The following ERG variants were observed in gnomAD, a reference collection of about 807,000 sequenced individuals.
ERG encodes transcriptional regulator ERG.
A neutral mutation model predicts 55.3 loss-of-function variants in ERG; 9 were observed. That is an observed-to-expected ratio of 0.16 (90% CI 0.10 to 0.28). The LOEUF is 0.28. Among genes scored for constraint, ERG ranks in the 10% least tolerant of loss-of-function variants. The pLI, the probability that ERG is intolerant of heterozygous loss-of-function variation, is 1.00. For missense variants in ERG, 434 were observed against 631.6 expected (o/e 0.69, Z 3.35); for synonymous variants, 223 against 237.3 (o/e 0.94, Z 0.55).
intron 1 of ERG, among the ~76,000 whole-genome samples, chr21:38,631,202 G>GA (rs1341507183): frequency 6.6e-6 from 1 of 152,102 alleles, no homozygotes; most frequent in Non-Finnish European, 1.5e-5. Flanking sequence ...TTGCCCTTGA[G>GA]AAAAAAGATT....
intron 1 of ERG, among the ~76,000 whole-genome samples, chr21:38,597,966 C>T (rs1367443295): frequency 3.3e-5 from 5 of 152,126 alleles, no homozygotes; most frequent in Non-Finnish European, 7.4e-5. Context: ...TTAATAAGCA[C>T]AAAACAATCC....
intron 2 of ERG, among the ~76,000 whole-genome samples, chr21:38,423,925 G>C (rs1172335749): frequency 6.6e-6 from 1 of 152,132 alleles, no homozygotes; most frequent in Non-Finnish European, 1.5e-5. Context: ...GCAGTGAGCT[G>C]AGATCATGCC....
intron 2 of ERG, among the ~76,000 whole-genome samples, chr21:38,547,253 T>C (rs747910904): frequency 6.6e-6 from 1 of 152,228 alleles, no homozygotes; most frequent in Non-Finnish European, 1.5e-5. Flanking sequence ...TAGCTTCCCA[T>C]GTTGCAGCTA....
chr21:38,515,788 G>T (rs1268115018), intron 2 of ERG, among the ~76,000 whole-genome samples: 5 of 151,906 alleles, frequency 3.3e-5, no homozygotes, highest in Non-Finnish European at 7.4e-5. Flanking sequence ...AATGCACCAT[G>T]GTCAAGTGGG....
chr21:38,550,244 C>A (rs1475708621), intron 2 of ERG, among the ~76,000 whole-genome samples: 1 of 152,186 alleles, frequency 6.6e-6, no homozygotes, highest in African/African-American at 2.4e-5. Flanking sequence ...GAAGCCCTCA[C>A]ACCCAGAAGG....
rs545144201 is a variant in ERG at position 38,392,476 on chromosome 21, A to G, written c.746-32T>C. On this transcript the variant is annotated intron_variant, in intron 6 of 9. Transcript: ENST00000288319. The stretch of plus-strand genomic sequence containing the variant: ...AGACAAATAAATTGACTAAAAGATC[A>G]ATCATGTAATTTTTATAAGAGATGC... 1.2e-5 allele frequency: 17 copies of G among 1,378,010 alleles called. No homozygotes were observed. The African/African-American group carries it at 2.5e-4, about 21-fold the overall frequency. The allele number at this position is 1,378,010 out of a possible 1,614,324, so 85.4% of individuals were successfully genotyped here. A position where few individuals can be genotyped will look rare whatever the true frequency, so the allele number is the denominator to read the frequency against.
intron 2 of ERG, among the ~76,000 whole-genome samples, chr21:38,536,193 C>A (rs992987587): frequency 6.6e-6 from 1 of 152,128 alleles, no homozygotes; most frequent in African/African-American, 2.4e-5. Context: ...CAGGTAGACA[C>A]TGAGGTAATC....
chr21:38,410,454 G>A (rs915365649), intron 3 of ERG, among the ~76,000 whole-genome samples: 2 of 152,174 alleles, frequency 1.3e-5, no homozygotes, highest in Non-Finnish European at 2.9e-5. Context: ...AAGTTACATG[G>A]TTATTATGAA....
chr21:38,414,631 A>G (rs570958937), intron 3 of ERG, among the ~76,000 whole-genome samples: 7 of 152,204 alleles, frequency 4.6e-5, no homozygotes, highest in Non-Finnish European at 8.8e-5. Flanking sequence ...GAAAAACCTG[A>G]GAAACAGCAA....
chr21:38,386,605 A>C (rs1254529987), intron 9 of ERG, among the ~76,000 whole-genome samples: 1 of 152,240 alleles, frequency 6.6e-6, no homozygotes, highest in Non-Finnish European at 1.5e-5. Context: ...GCATTTTAGA[A>C]TATAGAATAG....
chr21:38,468,247 G>A (rs999473993), intron 1 of ERG, among the ~76,000 whole-genome samples: 1 of 152,160 alleles, frequency 6.6e-6, no homozygotes, highest in Non-Finnish European at 1.5e-5. Context: ...GCCACAGCCT[G>A]TCTCACTCCT....
rs188533859 is a variant in ERG, at chr21:38,629,198, C to T, written c.-150+32460G>A. 5.7e-3 allele frequency among the ~76,000 whole-genome samples: 861 copies of T among 152,280 alleles called. 6 individuals carry two copies. Among genetic ancestry groups the T allele is most frequent in the African/African-American group, 0.019 (783 of 41,562 alleles). ...TGGATGAGAGGCCAGGAGACATAAG[C>T]TCCTCCATCCCTGGTTCTTTCTCCA... On this transcript the variant is annotated intron_variant, in intron 1 of 10. Coordinates refer to the ERG transcript ENST00000398910.
intron 2 of ERG, among the ~76,000 whole-genome samples, chr21:38,531,361 G>A (rs779153296): frequency 2.6e-5 from 4 of 152,144 alleles, no homozygotes; most frequent in Non-Finnish European, 5.9e-5. Context: ...GTTTTGTGAG[G>A]ACTTTTCTTT....
intron 2 of ERG, among the ~76,000 whole-genome samples, chr21:38,511,349 A>G (rs2059510006): frequency 6.6e-6 from 1 of 152,226 alleles, no homozygotes; most frequent in Non-Finnish European, 1.5e-5. Context: ...TAGAGCAGGC[A>G]CAAAGTGGAA....
chr21:38,620,176 C>T (rs1006385470), intron 1 of ERG, among the ~76,000 whole-genome samples: 9 of 152,208 alleles, frequency 5.9e-5, no homozygotes, highest in African/African-American at 2.2e-4. Flanking sequence ...AAGCTAGTGC[C>T]TTCAGCAAGT....
chr21:38,525,543 TCA>T (rs2059624016), intron 2 of ERG, among the ~76,000 whole-genome samples: 1 of 152,112 alleles, frequency 6.6e-6, no homozygotes, highest in Non-Finnish European at 1.5e-5. Flanking sequence ...TTCCACTCTC[TCA>T]GTTACCGAGC....
At position 38,381,445 on chromosome 21, in the gene ERG, A is replaced by G; in HGVS notation, c.*1958T>C. 1 of 1,063,030 alleles carries G rather than the reference A, an allele frequency of 9.4e-7. No homozygotes were observed. The highest frequency in any genetic ancestry group is 1.1e-6 in the Non-Finnish European group (1 of 877,826). The allele number at this position is 1,063,030 out of a possible 1,614,324, so 65.8% of individuals were successfully genotyped here. On this transcript the variant is annotated 3_prime_UTR_variant, in exon 10 of 10. Coordinates refer to ENST00000288319, the MANE Select transcript of ERG (RefSeq NM_182918.4). ...AGGGATAGCCAGCAACATCAGGCTC[A>G]GGGCTAGTGAATCCCAAGCCACAGT...
chr21:38,477,287 A>G (rs1232058722), intron 1 of ERG, among the ~76,000 whole-genome samples: 2 of 152,080 alleles, frequency 1.3e-5, no homozygotes, highest in Non-Finnish European at 2.9e-5. Context: ...GACAGGCGTG[A>G]GTCACTGCGC....
chr21:38,603,391 TG>T (rs775629045), intron 1 of ERG, among the ~76,000 whole-genome samples: 13 of 151,710 alleles, frequency 8.6e-5, no homozygotes, highest in African/African-American at 2.4e-4. Flanking sequence ...GAGGCCGAGG[TG>T]GGCAGATCAC....
Sources: allele counts gnomAD v4.1 joint callset (sites outside exome capture counted in the v4.1 genomes callset), GRCh38; gene constraint gnomAD v4.1.1; transcripts MANE v1.5; gene names NCBI Gene and HGNC (gene_info 2026-07-23, HGNC 2026-07-21).